Variants in DDX11 observed in about 807,000 individuals in gnomAD.
DDX11 encodes ATP-dependent DNA helicase DDX11.
DDX11 carries 72 observed loss-of-function variants against 125.2 expected under a neutral mutation model. The ratio of observed to expected loss-of-function variants is 0.58; its 90% CI spans 0.48 to 0.70. DDX11 has a LOEUF of 0.70. Among genes scored for constraint, DDX11 ranks in the 30% least tolerant of loss-of-function variants. DDX11 has a pLI of 0.00. For synonymous variants in DDX11, 347 were observed against 452.6 expected, an observed-to-expected ratio of 0.77 and a Z score of 2.96; for missense variants, 883 against 1,165.0, an observed-to-expected ratio of 0.76 and a Z score of 3.52.
chr12:31,101,264 A>G (rs1378536544), intron 20 of DDX11, 134 bp downstream of exon 20: 29 of 767,304 alleles, frequency 3.8e-5, no homozygotes, highest in Non-Finnish European at 6.6e-5. Context: ...GCTTAGAGCC[A>G]CACAGAATGA....
Position 31,083,795 on chromosome 12 carries a change from T to G in DDX11, c.145-18T>G. 1 of 1,611,692 alleles carries G rather than the reference T, an allele frequency of 6.2e-7. No homozygotes were observed. The highest frequency in any genetic ancestry group is 8.5e-7 in the Non-Finnish European group (1 of 1,179,618). On this transcript the variant is annotated intron_variant, in intron 2 of 26. Coordinates refer to ENST00000542838, the MANE Select transcript of DDX11 (RefSeq NM_030653.4). Reference sequence around the variant, plus strand: ...TTTGTTGTTTTCCTGTTTCTAAAGATCATTTTTCTTCCTGCAGGGGAAGTC... The same window carrying G: ...TTTGTTGTTTTCCTGTTTCTAAAGAGCATTTTTCTTCCTGCAGGGGAAGTC...
chr12:31,102,320 G>A lies in DDX11; in HGVS notation c.2271+9G>A, dbSNP rs369306220. The A allele has an allele frequency of 5.6e-6, 9 of 1,613,772 alleles. No individual in the cohort carries two copies. In the East Asian group the frequency reaches 6.7e-5, roughly 12 times the overall value. ...ATTCCAGGTGCATCCAGGTGCGGGC[G>A]TCATGCTGGGCTTGGGTCTGAGATC... is the stretch of plus-strand genomic sequence containing the variant. On this transcript the variant is annotated intron_variant, in intron 22 of 26. Transcript: ENST00000542838.
intron 18 of DDX11, among the ~76,000 whole-genome samples, chr12:31,099,777 A>C (rs1396262767): frequency 1.3e-5 from 2 of 151,950 alleles, no homozygotes; most frequent in African/African-American, 4.8e-5. Context: ...TGTATGGCTC[A>C]AAAGTCAAAG....
intron 17 of DDX11, 32 bp downstream of exon 17, chr12:31,097,022 C>T: frequency 6.2e-7 from 1 of 1,612,142 alleles, no homozygotes; most frequent in Non-Finnish European, 8.5e-7. Context: ...AGGTTCAGTT[C>T]CCAGGAAGGA....
Position 31,085,058 on chromosome 12 carries a change from G to A in DDX11, c.570G>A (p.Leu190=), listed in dbSNP as rs1458457241. The change falls in exon 5 of 27, where the codon CTG becomes CTA. Residue 190 remains leucine (L), a synonymous_variant. Transcript: ENST00000542838. ...TGPEAERLEQ[L]ESGEEELVLA... is the part of the protein sequence containing the mutation. ...CGGAGGCTGAGCGGCTGGAGCAGCTGGAGTCTGGGGAGGAGGAGCTGGTCC... is the reference window on the plus strand; with the variant it reads ...CGGAGGCTGAGCGGCTGGAGCAGCTAGAGTCTGGGGAGGAGGAGCTGGTCC... 7 of 1,606,466 alleles carry A rather than the reference G, an allele frequency of 4.4e-6. No homozygotes were observed. The highest frequency in any genetic ancestry group is 1.3e-5 in the African/African-American group (1 of 74,778).
At chr12:31,103,188 C>G in intron 24 of DDX11, 129 bp from the exon 25 acceptor site, 1 of 1,406,230 alleles carries the variant, frequency 7.1e-7, no homozygotes, top group Non-Finnish European at 9.8e-7. Flanking sequence ...CCTGTGATGT[C>G]ACCTGGACCC....
intron 1 of DDX11, among the ~76,000 whole-genome samples, chr12:31,077,704 C>T (rs1221904633): frequency 2.6e-5 from 4 of 151,822 alleles, no homozygotes; most frequent in Non-Finnish European, 2.9e-5. Context: ...ATTAGCTGGG[C>T]GTGGTGGCGG....
chr12:31,089,823 C>G, intron 8 of DDX11, 63 bp from the exon 9 acceptor site: 1 of 1,567,362 alleles, frequency 6.4e-7, no homozygotes, highest in Non-Finnish European at 8.6e-7. Context: ...ACAACCCCCT[C>G]TTGGGCCCGT....
At chr12:31,095,804 C>T (rs1333946896) in intron 14 of DDX11, among the ~76,000 whole-genome samples, 2 of 152,118 alleles carry the variant, frequency 1.3e-5, no homozygotes, top group Admixed American at 6.5e-5. Context: ...CCATGGGTCT[C>T]GGGTCTCATC....
chr12:31,092,895 G>A lies in DDX11; in HGVS notation c.1289+3G>A. ...CTGCAGTACGTGGAGCGATACGGGT[G>A]AGATGTGACCCTCTGAGGTAGTGGG... On this transcript the variant is annotated splice_donor_region_variant and intron_variant, in intron 11 of 26. Coordinates refer to ENST00000542838, the MANE Select transcript of DDX11 (RefSeq NM_030653.4). The A allele has an allele frequency of 1.9e-6, 3 of 1,614,030 alleles. No homozygotes were observed. Among genetic ancestry groups the A allele is most frequent in the Non-Finnish European group, 2.5e-6 (3 of 1,179,872 alleles).
At chr12:31,089,627 CCTT>C (rs2140714205) in intron 8 of DDX11, 137 bp downstream of exon 8, 1 of 1,063,620 alleles carries the variant, frequency 9.4e-7, no homozygotes, top group South Asian at 1.4e-5. Flanking sequence ...AGTCCCCTCT[CCTT>C]GGGAAAAAGT....
intron 12 of DDX11, 74 bp from the exon 13 acceptor site, chr12:31,094,516 G>A: frequency 6.7e-7 from 1 of 1,490,828 alleles, no homozygotes; most frequent in South Asian, 1.2e-5. Context: ...GTGCAGTGTG[G>A]AGGGAGAGAA....
intron 3 of DDX11, among the ~76,000 whole-genome samples, chr12:31,084,359 G>C (rs577639594): frequency 6.6e-6 from 1 of 152,240 alleles, no homozygotes; most frequent in Admixed American, 6.5e-5. Flanking sequence ...ATCTGATGGA[G>C]AGCGTGTGGC....
intron 5 of DDX11, among the ~76,000 whole-genome samples, chr12:31,085,873 T>C (rs1416021907): frequency 6.6e-6 from 1 of 152,040 alleles, no homozygotes; most frequent in Middle Eastern, 3.2e-3. Context: ...AAAATGGTGA[T>C]GTGGATGGGG....
In DDX11 at chr12:31,089,088, G is replaced by C. The variant is rs879043863; in HGVS notation, c.729G>C (p.Val243=). 7 of 1,614,022 alleles carry C rather than the reference G, an allele frequency of 4.3e-6. No individual in the cohort carries two copies. In the South Asian group the frequency reaches 6.6e-5, roughly 15 times the overall value. ...CACACTCCCAGCTGGCCCAGTTTGT[G>C]CATGAGGTGAAGAAGAGCCCCTTTG... ...SRTHSQLAQF[V]HEVKKSPFGK... is the part of the protein sequence containing the mutation. Residue 243 remains valine (V), a synonymous_variant, in exon 7 of 27, where the codon GTG becomes GTC. Coordinates refer to ENST00000542838, the MANE Select transcript of DDX11 (RefSeq NM_030653.4).
intron 18 of DDX11, 64 bp downstream of exon 18, chr12:31,098,061 G>A: frequency 1.4e-6 from 2 of 1,389,742 alleles, no homozygotes; most frequent in South Asian, 1.2e-5. Context: ...GCTTGGGAGA[G>A]ATGCATTATC....
At chr12:31,087,048 C>G (rs1370662312) in intron 5 of DDX11, among the ~76,000 whole-genome samples, 1 of 149,202 alleles carries the variant, frequency 6.7e-6, no homozygotes, top group Admixed American at 6.7e-5. Flanking sequence ...TAGCGTGTGC[C>G]TGTCAGATGG....
rs1945366674 is a variant in DDX11 at position 31,096,995 on chromosome 12, T to G, written c.1762+5T>G. On this transcript the variant is annotated splice_donor_5th_base_variant and intron_variant, in intron 17 of 26. Transcript: ENST00000542838. ...GGGTCATCCTGAGCCGCCAAGGTAA[T>G]CAGGTGGTTCTTGGCCAGGTTCAGT... 6.2e-7 allele frequency: 1 copy of G among 1,613,240 alleles called. No individual in the cohort carries two copies. The highest frequency in any genetic ancestry group is 8.5e-7 in the Non-Finnish European group (1 of 1,179,800).
At chr12:31,098,718 T>C (rs1374354459) in intron 18 of DDX11, among the ~76,000 whole-genome samples, 1 of 152,234 alleles carries the variant, frequency 6.6e-6, no homozygotes, top group Non-Finnish European at 1.5e-5. Context: ...TAGCTTTTGA[T>C]TTTTATATTT....
Sources: gnomAD v4.1 joint callset for allele counts (sites outside exome capture counted in the v4.1 genomes callset) on GRCh38, gnomAD v4.1.1 for gene constraint, MANE v1.5 for transcripts, NCBI Gene and HGNC (gene_info 2026-07-23, HGNC 2026-07-21) for gene names.